RALGPS1: variants seen among roughly 807,000 people sequenced by gnomAD.
RALGPS1 encodes the protein Ral GEF with PH domain and SH3 binding motif 1, also known as ras-specific guanine nucleotide-releasing factor RalGPS1.
RALGPS1 carries 19 observed loss-of-function variants against 78.8 expected under a neutral mutation model. The ratio of observed to expected loss-of-function variants is 0.24; its 90% CI spans 0.17 to 0.35. The LOEUF (loss-of-function observed/expected upper bound fraction) is 0.35. Ranked by LOEUF, RALGPS1 falls within the 10% of genes least tolerant of loss-of-function variation. The probability of loss-of-function intolerance (pLI) is 1.00; values close to 1 mark genes in which losing one functional copy is unlikely to be tolerated. For missense variants in RALGPS1, 454 were observed against 688.3 expected, an observed-to-expected ratio of 0.66 and a Z score of 3.81; for synonymous variants, 228 against 256.3, an observed-to-expected ratio of 0.89 and a Z score of 1.06.
At chr9:127,168,832 A>C (rs1220542620) in intron 10 of RALGPS1, 60 bp downstream of exon 10, 2 of 1,405,860 alleles carry the variant, frequency 1.4e-6, no homozygotes, top group East Asian at 4.6e-5. Context: ...CTTAGTGCTC[A>C]GGTCCCTGCA....
chr9:127,053,981 A>G (rs1240658137), intron 7 of RALGPS1, among the ~76,000 whole-genome samples: 2 of 152,150 alleles, frequency 1.3e-5, no homozygotes, highest in African/African-American at 2.4e-5. Context: ...TTGGTTTTCC[A>G]TCAGTGCTTC....
At chr9:127,032,208 A>G (rs1424499547) in intron 4 of RALGPS1, among the ~76,000 whole-genome samples, 1 of 152,206 alleles carries the variant, frequency 6.6e-6, no homozygotes, top group Non-Finnish European at 1.5e-5. Flanking sequence ...AAGATGAGAA[A>G]CTAGAAGTTC....
chr9:126,963,501 G>A (rs1057246481), intron 2 of RALGPS1, among the ~76,000 whole-genome samples: 1 of 152,160 alleles, frequency 6.6e-6, no homozygotes, highest in African/African-American at 2.4e-5. Context: ...ATAAATGAAT[G>A]AGCAAATGAT....
intron 8 of RALGPS1, among the ~76,000 whole-genome samples, chr9:127,081,895 C>T (rs577917151): frequency 1.3e-5 from 2 of 152,370 alleles, no homozygotes; most frequent in South Asian, 4.1e-4. Flanking sequence ...GAATGCCACG[C>T]AGATGGGAGA....
At chr9:127,035,932 C>T (rs1366226119) in intron 5 of RALGPS1, among the ~76,000 whole-genome samples, 1 of 151,896 alleles carries the variant, frequency 6.6e-6, no homozygotes, top group African/African-American at 2.4e-5. Flanking sequence ...AGAATTTTGT[C>T]AGGGAATTCA....
At chr9:127,088,826 C>T (rs757425064) in intron 8 of RALGPS1, 32 of 1,246,042 alleles carry the variant, frequency 2.6e-5, no homozygotes, top group Middle Eastern at 2.0e-4. Context: ...TCCAGCATCC[C>T]GGTCCTCCCA....
At chr9:127,004,325 T>C (rs1329912269) in intron 4 of RALGPS1, among the ~76,000 whole-genome samples, 1 of 152,222 alleles carries the variant, frequency 6.6e-6, no homozygotes, top group Non-Finnish European at 1.5e-5. Flanking sequence ...TTTGTATTTT[T>C]AGTAGAGACA....
intron 1 of RALGPS1, among the ~76,000 whole-genome samples, chr9:126,947,861 C>T (rs569160292): frequency 2.6e-5 from 4 of 152,340 alleles, no homozygotes; most frequent in African/African-American, 9.6e-5. Context: ...CCTACTATTA[C>T]TCAAATATAT....
chr9:127,222,064 T>G lies in RALGPS1; in HGVS notation c.*3295T>G, dbSNP rs1292089164. 6.6e-6 allele frequency: 1 copy of G among 152,190 alleles called. No individual in the cohort carries two copies. Among genetic ancestry groups the G allele is most frequent in the Non-Finnish European group, 1.5e-5 (1 of 68,030 alleles). The allele number at this position is 152,190 out of a possible 1,614,324, so 9.4% of individuals were successfully genotyped here. A position where few individuals can be genotyped will look rare whatever the true frequency, so the allele number is the denominator to read the frequency against. On this transcript the variant is annotated 3_prime_UTR_variant, in exon 19 of 19. Transcript: ENST00000259351. ...CTCCTAGTCCTTTAGAAATAACAGA[T>G]TCTCTGCACAAAACCACCCATTCAT...
intron 8 of RALGPS1, among the ~76,000 whole-genome samples, chr9:127,100,435 G>A (rs528078837): frequency 3.9e-5 from 6 of 152,326 alleles, no homozygotes; most frequent in African/African-American, 1.4e-4. Context: ...AAAGCATTGC[G>A]TCGCTCTTAG....
intron 8 of RALGPS1, among the ~76,000 whole-genome samples, chr9:127,127,398 C>T (rs1447167790): frequency 1.3e-5 from 2 of 152,214 alleles, no homozygotes; most frequent in African/African-American, 2.4e-5. Flanking sequence ...GGAACTGGAA[C>T]TCCATATCCC....
At chr9:127,049,139 G>T (rs55916011) in intron 5 of RALGPS1, among the ~76,000 whole-genome samples, 11,981 of 152,172 alleles carry the variant, frequency 0.079, 649 homozygotes, top group Middle Eastern at 0.12. Flanking sequence ...GCTTTGCCTG[G>T]CTCTCCACCT....
At chr9:127,094,988 G>C (rs1005755058) in intron 8 of RALGPS1, among the ~76,000 whole-genome samples, 1 of 152,346 alleles carries the variant, frequency 6.6e-6, no homozygotes, top group Non-Finnish European at 1.5e-5. Context: ...CCAAGGGTCT[G>C]GACAGGCTGG....
chr9:127,060,457 A>G (rs1330611033), intron 7 of RALGPS1, among the ~76,000 whole-genome samples: 2 of 152,166 alleles, frequency 1.3e-5, no homozygotes, highest in African/African-American at 4.8e-5. Flanking sequence ...AAATACATGA[A>G]AAAATGTTTA....
rs561018634 is a variant in RALGPS1 at position 126,919,122 on chromosome 9, A to G, written c.-66+4147A>G. Reference sequence around the variant, plus strand: ...TTCTTTCTCTTACACAAAGAATAGCATTTTATACATACTCATTGGTGCTTC... The same window carrying G: ...TTCTTTCTCTTACACAAAGAATAGCGTTTTATACATACTCATTGGTGCTTC... On this transcript the variant is annotated intron_variant, in intron 1 of 18. Coordinates refer to ENST00000259351, the MANE Select transcript of RALGPS1 (RefSeq NM_014636.3). 2.0e-5 allele frequency among the ~76,000 whole-genome samples: 3 copies of G among 152,320 alleles called. No homozygotes were observed. In the East Asian group the frequency reaches 5.8e-4, roughly 29 times the overall value.
chr9:127,213,822 T>G (rs1046900022), intron 17 of RALGPS1: 6 of 152,204 alleles, frequency 3.9e-5, no homozygotes, highest in Non-Finnish European at 7.3e-5. Flanking sequence ...TCAACAGATC[T>G]GGGGGTAGAG....
At chr9:127,077,870 G>A (rs2050812256) in intron 8 of RALGPS1, among the ~76,000 whole-genome samples, 1 of 152,194 alleles carries the variant, frequency 6.6e-6, no homozygotes, top group Non-Finnish European at 1.5e-5. Context: ...GAACCAGGCT[G>A]CTTCCTTAGC....
chr9:127,164,911 T>A (rs2059217727), intron 8 of RALGPS1, among the ~76,000 whole-genome samples: 1 of 152,226 alleles, frequency 6.6e-6, no homozygotes, highest in African/African-American at 2.4e-5. Context: ...TATGTATATA[T>A]ATGTGTATGA....
intron 4 of RALGPS1, among the ~76,000 whole-genome samples, chr9:126,999,501 C>A (rs1267283626): frequency 6.6e-6 from 1 of 152,186 alleles, no homozygotes; most frequent in African/African-American, 2.4e-5. Flanking sequence ...TCTCTCTTAA[C>A]CCCTGGCACC....
Sources: allele counts gnomAD v4.1 joint callset (sites outside exome capture counted in the v4.1 genomes callset), GRCh38; gene constraint gnomAD v4.1.1; transcripts MANE v1.5; gene names NCBI Gene and HGNC (gene_info 2026-07-23, HGNC 2026-07-21).